Variants in ANO4 observed in about 807,000 individuals in gnomAD.
ANO4 encodes the protein anoctamin 4.
In ANO4, 69 loss-of-function variants were observed where a neutral mutation model predicts 141.9. The observed-to-expected ratio is 0.49, with a 90% CI of 0.40 to 0.59. ANO4 has a LOEUF of 0.59. ANO4 is among the 20% of genes least tolerant of loss of function. ANO4 has a pLI of 0.00. For missense variants in ANO4, 894 were observed against 1,162.2 expected, an observed-to-expected ratio of 0.77 and a Z score of 3.36; for synonymous variants, 350 against 394.3, an observed-to-expected ratio of 0.89 and a Z score of 1.33.
intron 5 of ANO4, among the ~76,000 whole-genome samples, chr12:100,957,775 C>A (rs562434117): frequency 9.9e-5 from 15 of 152,136 alleles, no homozygotes; most frequent in Non-Finnish European, 4.4e-5. Flanking sequence ...TACTTTCCAG[C>A]CTGCAGAACT....
chr12:100,793,103 A>G (rs1299153931), upstream of ANO4, among the ~76,000 whole-genome samples: 1 of 152,246 alleles, frequency 6.6e-6, no homozygotes, highest in Non-Finnish European at 1.5e-5. Flanking sequence ...TGAAATTTCA[A>G]GAAGAAGATT....
intron 17 of ANO4, among the ~76,000 whole-genome samples, chr12:101,093,329 T>C (rs1240306913): frequency 4.6e-5 from 7 of 152,160 alleles, no homozygotes; most frequent in Non-Finnish European, 1.0e-4. Flanking sequence ...CCTGCCCACA[T>C]ATAAAGAAAA....
Position 100,820,031 on chromosome 12 carries a change from C to T in ANO4, c.-141+25004C>T, listed in dbSNP as rs150548353. 1.9e-3 allele frequency among the ~76,000 whole-genome samples: 285 copies of T among 152,052 alleles called. 2 individuals are homozygous for T. The highest frequency in any genetic ancestry group is 6.5e-4 in the Non-Finnish European group (44 of 67,926). ...AAACTCTCTGCCCTTGACCTTTCTGCATATTATAGGCTCTGTCTTTGGGTT... is the reference window on the plus strand; with the variant it reads ...AAACTCTCTGCCCTTGACCTTTCTGTATATTATAGGCTCTGTCTTTGGGTT... On this transcript the variant is annotated intron_variant, in intron 1 of 27. Coordinates refer to ENST00000392977, the MANE Select transcript of ANO4 (RefSeq NM_001286615.2).
intron 14 of ANO4, chr12:101,067,005 A>AAAAAAAAAAAAAG: frequency 1.7e-6 from 1 of 582,474 alleles, no homozygotes; most frequent in Non-Finnish European, 3.1e-6. Context: ...AACAAAAAAA[A>AAAAAAAAAAAAAG]AAAAAAAAAA....
chr12:100,886,935 G>A (rs368972951), intron 1 of ANO4, among the ~76,000 whole-genome samples: 8 of 152,174 alleles, frequency 5.3e-5, no homozygotes, highest in East Asian at 1.9e-4. Context: ...TGGCAAGAAC[G>A]ATCTCCTCTT....
At chr12:101,011,240 C>T (rs2046074634) in intron 8 of ANO4, among the ~76,000 whole-genome samples, 1 of 151,958 alleles carries the variant, frequency 6.6e-6, no homozygotes, top group Non-Finnish European at 1.5e-5. Context: ...GCTCAGTCTA[C>T]CTCTTGATAG....
intron 9 of ANO4, among the ~76,000 whole-genome samples, chr12:101,035,052 C>T (rs955650769): frequency 1.9e-4 from 28 of 150,894 alleles, no homozygotes; most frequent in African/African-American, 6.4e-4. Context: ...TAGGTATTTG[C>T]TAAGAAAGTT....
At chr12:101,104,613 GTGTA>G (rs372891417) in intron 22 of ANO4, among the ~76,000 whole-genome samples, 11 of 88,104 alleles carry the variant, frequency 1.2e-4, no homozygotes, top group African/African-American at 6.8e-4. Context: ...GTGTGTGTGT[GTGTA>G]TGTATGTGTG....
chr12:100,717,680 T>C, intron 1 of ANO4: 1 of 394,768 alleles, frequency 2.5e-6, no homozygotes. Flanking sequence ...ACGGCGGCCG[T>C]GCGCGCCGCT....
upstream of ANO4, among the ~76,000 whole-genome samples, chr12:100,792,339 C>T (rs747254642): frequency 1.3e-5 from 2 of 152,172 alleles, no homozygotes; most frequent in Non-Finnish European, 2.9e-5. Flanking sequence ...GGCATTAAAT[C>T]GTGCTGTTGT....
chr12:100,813,556 A>G (rs946836827), intron 1 of ANO4, among the ~76,000 whole-genome samples: 6 of 152,176 alleles, frequency 3.9e-5, no homozygotes, highest in Non-Finnish European at 1.5e-5. Context: ...CAGAGCAGCA[A>G]TTGGAAATAT....
At chr12:101,079,341 A>C in intron 15 of ANO4, 66 bp downstream of exon 15, 2 of 1,333,232 alleles carry the variant, frequency 1.5e-6, no homozygotes, top group Non-Finnish European at 1.1e-6. Flanking sequence ...ACCCCCCCCC[A>C]AAATTGTCAC....
chr12:100,963,646 C>T (rs554783732), intron 5 of ANO4, among the ~76,000 whole-genome samples: 5 of 152,228 alleles, frequency 3.3e-5, no homozygotes, highest in African/African-American at 7.2e-5. Context: ...TTTAGAGACA[C>T]GTGCCCTCAT....
intron 1 of ANO4, among the ~76,000 whole-genome samples, chr12:100,850,312 G>A (rs1006514730): frequency 6.6e-6 from 1 of 152,126 alleles, no homozygotes; most frequent in African/African-American, 2.4e-5. Context: ...AGGAGGACAT[G>A]GTTCTTCCTT....
intron 3 of ANO4, among the ~76,000 whole-genome samples, chr12:100,761,327 G>A (rs2032849276): frequency 6.6e-6 from 1 of 152,118 alleles, no homozygotes; most frequent in Non-Finnish European, 1.5e-5. Context: ...TCCAGATTTG[G>A]TGATTTGCTA....
intron 5 of ANO4, among the ~76,000 whole-genome samples, chr12:100,949,570 C>T (rs755252381): frequency 3.3e-5 from 5 of 152,080 alleles, no homozygotes; most frequent in Non-Finnish European, 7.4e-5. Context: ...CTAAATACAA[C>T]GTGTTAACAC....
intron 2 of ANO4, among the ~76,000 whole-genome samples, chr12:100,738,208 G>C (rs994759326): frequency 1.1e-4 from 17 of 152,112 alleles, no homozygotes; most frequent in Admixed American, 3.9e-4. Flanking sequence ...TCCCCAAGAG[G>C]GGACATGATG....
intron 3 of ANO4, among the ~76,000 whole-genome samples, chr12:100,922,851 C>G (rs143266965): frequency 6.6e-6 from 1 of 152,036 alleles, no homozygotes; most frequent in African/African-American, 2.4e-5. Flanking sequence ...TGCTCTTCTT[C>G]GAGTATTTTA....
chr12:100,810,810 C>T (rs1443636639), intron 1 of ANO4, among the ~76,000 whole-genome samples: 2 of 152,098 alleles, frequency 1.3e-5, no homozygotes, highest in Non-Finnish European at 2.9e-5. Context: ...TTAGCAAGAG[C>T]AGTCCATATG....
Sources: gnomAD v4.1 joint callset for allele counts (sites outside exome capture counted in the v4.1 genomes callset) on GRCh38, gnomAD v4.1.1 for gene constraint, MANE v1.5 for transcripts, NCBI Gene and HGNC (gene_info 2026-07-23, HGNC 2026-07-21) for gene names.